The following ZNF76 variants were observed in gnomAD, a reference collection of about 807,000 sequenced individuals.
ZNF76 encodes zinc finger protein 76, also known as zinc finger protein 523.
In ZNF76, 66 loss-of-function variants were observed where a neutral mutation model predicts 66.9. The observed-to-expected ratio is 0.99, with a 90% confidence interval of 0.81 to 1.21. ZNF76 has a LOEUF of 1.21. ZNF76 is among the 50% of genes most tolerant of loss of function. ZNF76 has a pLI of 0.00. For synonymous variants in ZNF76, 275 were observed against 296.1 expected, an observed-to-expected ratio of 0.93 and a Z score of 0.73; for missense variants, 729 against 760.3, an observed-to-expected ratio of 0.96 and a Z score of 0.48.
chr6:35,264,373 A>G (rs191190314), intron 1 of ZNF76, among the ~76,000 whole-genome samples: 203 of 152,324 alleles, frequency 1.3e-3, no homozygotes, highest in Middle Eastern at 3.4e-3. Context: ...CAGTTGCTCA[A>G]ATACAGTGGT....
Position 35,280,538 on chromosome 6 carries a change from G to A in ZNF76, c.-96-518G>A, listed in dbSNP as rs554756808. Among the ~76,000 whole-genome samples the A allele has an allele frequency of 2.0e-3, 219 of 110,928 alleles. 2 individuals carry two copies. The highest frequency in any genetic ancestry group is 7.4e-3 in the African/African-American group (214 of 28,804). 72.8% of individuals were successfully genotyped at this position (110,928 alleles called of 152,430 possible). ...TGATCCCCCCCCCCCCCGCCCTGAA[G>A]TTCTGGGTGGAAGGCGATACCACCC... On this transcript the variant is annotated intron_variant, in intron 1 of 13. Coordinates refer to ENST00000373953, the MANE Select transcript of ZNF76 (RefSeq NM_003427.5).
intron 1 of ZNF76, among the ~76,000 whole-genome samples, chr6:35,276,023 CATA>C (rs780838887): frequency 6.8e-4 from 103 of 152,290 alleles, no homozygotes; most frequent in African/African-American, 2.3e-3. Flanking sequence ...GGCTTCAACA[CATA>C]GTAGTGTTGG....
chr6:35,295,240 G>A lies in ZNF76; in HGVS notation c.1705G>A (p.Gly569Ser). 4.4e-6 allele frequency: 7 copies of A among 1,603,880 alleles called. No individual in the cohort carries two copies. The highest frequency in any genetic ancestry group is 6.0e-6 in the Non-Finnish European group (7 of 1,175,530). Residue 569 changes from glycine (G) to serine (S), a missense_variant, in exon 14 of 14, where the codon GGC becomes AGC. By Grantham distance (56) the Gly-to-Ser change is moderately conservative. Transcript: ENST00000373953. The stretch of plus-strand genomic sequence containing the variant: ...CCTGGAGACAACAGTGTCGGAGAGT[G>A]GCTGCTGAGTCCAAGAGGGCTGGGT... The part of the protein sequence containing the change: ...VTLETTVSES[G>S]C
chr6:35,271,782 C>T (rs753184100), intron 1 of ZNF76, among the ~76,000 whole-genome samples: 11 of 152,000 alleles, frequency 7.2e-5, no homozygotes, highest in Non-Finnish European at 1.3e-4. Context: ...AAACAAAACA[C>T]GGCACATCCC....
chr6:35,267,087 C>T (rs543240797), intron 1 of ZNF76, among the ~76,000 whole-genome samples: 1 of 152,076 alleles, frequency 6.6e-6, no homozygotes, highest in South Asian at 2.1e-4. Context: ...GCTTGAGCCA[C>T]TGCATCCGGC....
At chr6:35,288,418 C>A (rs1252997196) in intron 5 of ZNF76, 10 of 339,728 alleles carry the variant, frequency 2.9e-5, no homozygotes, top group Non-Finnish European at 5.8e-5. Context: ...CCAGTCAGTC[C>A]AAGTTCTTTC....
intron 1 of ZNF76, among the ~76,000 whole-genome samples, chr6:35,269,575 A>G (rs1304856935): frequency 6.6e-6 from 1 of 152,164 alleles, no homozygotes; most frequent in African/African-American, 2.4e-5. Context: ...TGGATGGTTG[A>G]TAAAGCATGA....
intron 1 of ZNF76, among the ~76,000 whole-genome samples, chr6:35,280,293 C>G (rs142127911): frequency 1.3e-5 from 2 of 152,104 alleles, no homozygotes; most frequent in Admixed American, 6.5e-5. Context: ...CCCAGGAGTT[C>G]GAGGTTACAG....
At chr6:35,288,149 G>A (rs1789863723) in intron 5 of ZNF76, 1 of 580,614 alleles carries the variant, frequency 1.7e-6, no homozygotes, top group African/African-American at 1.8e-5. Flanking sequence ...TCCTTATGCT[G>A]AGGAGTTAGG....
intron 1 of ZNF76, among the ~76,000 whole-genome samples, chr6:35,268,424 G>A (rs1270202048): frequency 6.6e-6 from 1 of 152,142 alleles, no homozygotes; most frequent in African/African-American, 2.4e-5. Context: ...AATTAGTTTA[G>A]AGGAGACATA....
At chr6:35,261,023 T>C (rs776548172) in intron 1 of ZNF76, among the ~76,000 whole-genome samples, 1 of 152,178 alleles carries the variant, frequency 6.6e-6, no homozygotes, top group Admixed American at 6.5e-5. Context: ...TTTGGGGGCA[T>C]TGAGTTCATA....
intron 1 of ZNF76, among the ~76,000 whole-genome samples, chr6:35,277,011 C>T (rs1788015337): frequency 6.7e-6 from 1 of 149,910 alleles, no homozygotes; most frequent in African/African-American, 2.5e-5. Context: ...GTTGGTCAGG[C>T]TGGTCTCGAA....
intron 1 of ZNF76, among the ~76,000 whole-genome samples, chr6:35,270,785 T>A (rs181703003): frequency 1.3e-5 from 2 of 152,240 alleles, no homozygotes; most frequent in African/African-American, 4.8e-5. Flanking sequence ...TCTAGATCTC[T>A]TGACCTGGTG....
rs1178576340 is a variant in ZNF76 at position 35,293,872 on chromosome 6, A to G, written c.1451A>G (p.His484Arg). The G allele has an allele frequency of 7.4e-6, 12 of 1,614,122 alleles. 1 individual carries two copies. In the African/African-American group the frequency reaches 8.0e-5, roughly 11 times the overall value. The part of the protein sequence containing the change: ...PDADLATSGT[H>R]TVTMVSADGT... ...GCCGACCTGGCCACATCTGGCACACATACAGTCACCATGGTCAGCGCCGAT... is the reference window on the plus strand; with the variant it reads ...GCCGACCTGGCCACATCTGGCACACGTACAGTCACCATGGTCAGCGCCGAT... Residue 484 changes from histidine to arginine, a missense_variant, in exon 12 of 14, where the codon CAT becomes CGT. His to Arg is a conservative substitution (Grantham distance 29). Coordinates refer to ENST00000373953, the MANE Select transcript of ZNF76 (RefSeq NM_003427.5).
At chr6:35,265,790 C>G (rs1441077486) in intron 1 of ZNF76, among the ~76,000 whole-genome samples, 1 of 151,258 alleles carries the variant, frequency 6.6e-6, no homozygotes, top group Non-Finnish European at 1.5e-5. Context: ...GAAGAAATGG[C>G]AGATGTTGCG....
chr6:35,275,480 CTGT>C (rs1191297725), intron 1 of ZNF76, among the ~76,000 whole-genome samples: 7 of 151,968 alleles, frequency 4.6e-5, no homozygotes, highest in African/African-American at 1.7e-4. Context: ...GCCCATGTCA[CTGT>C]TGTTAGTTCA....
Position 35,291,396 on chromosome 6 carries a change from C to A in ZNF76, c.744C>A (p.Thr248=), listed in dbSNP as rs201590467. Residue 248 remains threonine (T), a synonymous_variant, in exon 8 of 14, where the codon ACC becomes ACA. Transcript: ENST00000373953. The part of the protein sequence containing the change: ...TSGDLQKHVR[T]HTGERPFQCP... Reference sequence around the variant, plus strand: ...GAGACCTGCAGAAGCATGTCCGTACCCACACTGGTATGCTGGGCCCTGCCC... The same window carrying A: ...GAGACCTGCAGAAGCATGTCCGTACACACACTGGTATGCTGGGCCCTGCCC... The A allele has an allele frequency of 4.3e-6, 7 of 1,614,030 alleles. No individual in the cohort carries two copies. In the African/African-American group the frequency reaches 9.3e-5, roughly 22 times the overall value.
intron 1 of ZNF76, among the ~76,000 whole-genome samples, chr6:35,267,417 G>A (rs146651324): frequency 1.8e-3 from 272 of 152,260 alleles, no homozygotes; most frequent in African/African-American, 6.1e-3. Context: ...CTTTAGACTA[G>A]GAATGAGTTG....
At chr6:35,266,819 T>TTG (rs1786177105) in intron 1 of ZNF76, among the ~76,000 whole-genome samples, 1 of 143,284 alleles carries the variant, frequency 7.0e-6, no homozygotes, top group Non-Finnish European at 1.5e-5. Context: ...TTTTTTTTTT[T>TTG]GAGACGGAGT....
Sources: gnomAD v4.1 joint callset for allele counts (sites outside exome capture counted in the v4.1 genomes callset) on GRCh38, gnomAD v4.1.1 for gene constraint, MANE v1.5 for transcripts, NCBI Gene and HGNC (gene_info 2026-07-23, HGNC 2026-07-21) for gene names.